TES: variants seen among roughly 807,000 people sequenced by gnomAD.
TES encodes testin LIM domain protein.
In TES, 41 loss-of-function variants were observed where a neutral mutation model predicts 48.2. The ratio of observed to expected loss-of-function variants is 0.85; its 90% CI spans 0.66 to 1.10. The LOEUF is 1.10. TES is among the 50% of genes least tolerant of loss of function. The probability of loss-of-function intolerance (pLI) is 0.00; values close to 1 mark genes in which losing one functional copy is unlikely to be tolerated. For missense variants in TES, 463 were observed against 515.1 expected (o/e 0.90, Z 0.98); for synonymous variants, 162 against 174.9 (o/e 0.93, Z 0.58).
At chr7:116,232,363 AAG>A (rs1799711095) in intron 1 of TES, among the ~76,000 whole-genome samples, 1 of 152,232 alleles carries the variant, frequency 6.6e-6, no homozygotes, top group Non-Finnish European at 1.5e-5. Context: ...AATTATATAA[AAG>A]AGAGTTTAAA....
intron 1 of TES, among the ~76,000 whole-genome samples, chr7:116,216,265 T>C (rs1799492702): frequency 6.6e-6 from 1 of 152,136 alleles, no homozygotes; most frequent in African/African-American, 2.4e-5. Context: ...GTTTAGAAAT[T>C]AGGAAAGGTC....
intron 2 of TES, among the ~76,000 whole-genome samples, chr7:116,242,710 A>G (rs1799866492): frequency 6.6e-6 from 1 of 152,132 alleles, no homozygotes; most frequent in African/African-American, 2.4e-5. Flanking sequence ...GATGTAGATA[A>G]ATTCCATGAT....
At chr7:116,256,385 A>T (rs770194138) in intron 6 of TES, among the ~76,000 whole-genome samples, 1 of 152,230 alleles carries the variant, frequency 6.6e-6, no homozygotes, top group Admixed American at 6.5e-5. Context: ...GTGATACCAG[A>T]CAGTCTTGCT....
intron 2 of TES, among the ~76,000 whole-genome samples, chr7:116,245,120 A>G (rs1228371817): frequency 6.6e-6 from 1 of 152,114 alleles, no homozygotes; most frequent in Non-Finnish European, 1.5e-5. Context: ...CATTTTCTCC[A>G]TTGTCTTGGT....
chr7:116,233,502 A>G (rs1467011116), intron 1 of TES, among the ~76,000 whole-genome samples: 1 of 152,206 alleles, frequency 6.6e-6, no homozygotes, highest in Non-Finnish European at 1.5e-5. Flanking sequence ...TTGAACTCAA[A>G]TCTCTACCAT....
chr7:116,254,237 A>G (rs1027433753), intron 6 of TES, among the ~76,000 whole-genome samples: 2 of 151,648 alleles, frequency 1.3e-5, no homozygotes, highest in African/African-American at 4.8e-5. Flanking sequence ...GGATTTTTTT[A>G]TCTGCCTTTT....
intron 1 of TES, among the ~76,000 whole-genome samples, chr7:116,216,018 A>G (rs1382948590): frequency 1.3e-5 from 2 of 152,194 alleles, no homozygotes; most frequent in Non-Finnish European, 2.9e-5. Flanking sequence ...CAGATATTTC[A>G]TGAGGCTCTC....
chr7:116,237,388 G>A (rs889260803), intron 2 of TES, among the ~76,000 whole-genome samples: 1 of 152,186 alleles, frequency 6.6e-6, no homozygotes, highest in East Asian at 1.9e-4. Flanking sequence ...ACCCTCAGTA[G>A]TTTCCCACTG....
rs62621959 is a variant in TES at position 116,249,205 on chromosome 7, C to G, written c.299C>G (p.Ala100Gly). 389 of 1,613,926 alleles carry G rather than the reference C, an allele frequency of 2.4e-4. 1 individual carries two copies. Among genetic ancestry groups the G allele is most frequent in the Non-Finnish European group, 2.5e-4 (297 of 1,179,968 alleles). The change falls in exon 3 of 7, where the codon GCC becomes GGC. Residue 100 changes from alanine to glycine, a missense_variant. Coordinates refer to ENST00000358204, the MANE Select transcript of TES (RefSeq NM_015641.4). ...NVMILTNPVAAKKNVSINTVT... is the reference protein window; with the variant it reads ...NVMILTNPVAGKKNVSINTVT... ...ATGATATTGACGAATCCAGTTGCTGCCAAGAAGAATGTCTCCATCAATACA... is the reference window on the plus strand; with the variant it reads ...ATGATATTGACGAATCCAGTTGCTGGCAAGAAGAATGTCTCCATCAATACA...
At chr7:116,253,865 G>T (rs368847630) in intron 6 of TES, among the ~76,000 whole-genome samples, 15 of 151,080 alleles carry the variant, frequency 9.9e-5, no homozygotes, top group African/African-American at 1.9e-4. Flanking sequence ...GGTGTGTGGG[G>T]GTGTGTGTGT....
chr7:116,237,231 G>A (rs75672907), intron 2 of TES, among the ~76,000 whole-genome samples: 1 of 152,076 alleles, frequency 6.6e-6, no homozygotes, highest in East Asian at 1.9e-4. Flanking sequence ...GGTGATCCTT[G>A]ACTTAGGACC....
At chr7:116,217,413 C>G (rs1355981565) in intron 1 of TES, among the ~76,000 whole-genome samples, 1 of 152,126 alleles carries the variant, frequency 6.6e-6, no homozygotes, top group African/African-American at 2.4e-5. Flanking sequence ...AAATGCCTTA[C>G]AAAAGAGTCA....
chr7:116,221,926 C>A (rs1799562442), intron 1 of TES, among the ~76,000 whole-genome samples: 1 of 152,250 alleles, frequency 6.6e-6, no homozygotes, highest in Non-Finnish European at 1.5e-5. Context: ...TAAATGATGT[C>A]TGTGCACCTT....
chr7:116,247,161 G>T (rs1799937936), intron 2 of TES, among the ~76,000 whole-genome samples: 1 of 151,754 alleles, frequency 6.6e-6, no homozygotes. Flanking sequence ...ATAAGGGAAG[G>T]AAAGAGAAAG....
chr7:116,225,996 A>G (rs1023499046), intron 1 of TES, among the ~76,000 whole-genome samples: 1 of 152,156 alleles, frequency 6.6e-6, no homozygotes, highest in Non-Finnish European at 1.5e-5. Flanking sequence ...TGAGGTTAAA[A>G]TGAGATAATC....
chr7:116,234,728 C>T (rs2116597097), intron 2 of TES, 109 bp downstream of exon 2: 1 of 833,204 alleles, frequency 1.2e-6, no homozygotes, highest in South Asian at 1.5e-5. Context: ...AAGTTGCAGA[C>T]CTGTTACTGT....
chr7:116,213,936 T>C (rs1799465958), intron 1 of TES, among the ~76,000 whole-genome samples: 1 of 152,122 alleles, frequency 6.6e-6, no homozygotes, highest in Non-Finnish European at 1.5e-5. Flanking sequence ...CAGCCAGCTG[T>C]TTTCCTCTTT....
chr7:116,245,094 T>C (rs921982136), intron 2 of TES, among the ~76,000 whole-genome samples: 79 of 152,280 alleles, frequency 5.2e-4, no homozygotes, highest in Middle Eastern at 3.4e-3. Flanking sequence ...TGAAGCTCTC[T>C]GACATGCCCT....
intron 1 of TES, among the ~76,000 whole-genome samples, chr7:116,215,532 T>C (rs997679103): frequency 4.1e-4 from 62 of 152,282 alleles, no homozygotes; most frequent in African/African-American, 1.4e-3. Context: ...CTGGGAAACT[T>C]CTACAGTCAA....
Sources: gnomAD v4.1 joint callset for allele counts (sites outside exome capture counted in the v4.1 genomes callset) on GRCh38, gnomAD v4.1.1 for gene constraint, MANE v1.5 for transcripts, NCBI Gene and HGNC (gene_info 2026-07-23, HGNC 2026-07-21) for gene names.